Variants in LDB2 observed in about 807,000 individuals in gnomAD.
LDB2 encodes the protein LIM domain binding 2, also known as LIM domain-binding protein 2.
Under a neutral mutation model 44.3 loss-of-function variants are expected in LDB2, and 12 were observed. The ratio of observed to expected loss-of-function variants is 0.27; its 90% CI spans 0.17 to 0.44. LDB2 has a LOEUF of 0.44. Among genes scored for constraint, LDB2 ranks in the 20% least tolerant of loss-of-function variants. The probability of loss-of-function intolerance (pLI) is 1.00; values close to 1 mark genes in which losing one functional copy is unlikely to be tolerated. For missense variants in LDB2, 344 were observed against 473.5 expected (o/e 0.73, Z 2.54); for synonymous variants, 164 against 174.8 (o/e 0.94, Z 0.49).
chr4:16,512,204 C>A, intron 5 of LDB2, 100 bp from the exon 6 acceptor site: 1 of 1,124,004 alleles, frequency 8.9e-7, no homozygotes, highest in Non-Finnish European at 1.2e-6. Flanking sequence ...TTTGAGAATA[C>A]TTTTATTTTC....
intron 2 of LDB2, among the ~76,000 whole-genome samples, chr4:16,627,803 A>G (rs533272512): frequency 1.9e-4 from 29 of 152,314 alleles, no homozygotes; most frequent in Non-Finnish European, 3.5e-4. Flanking sequence ...TATCATTTCC[A>G]AAATTAGGTT....
chr4:16,608,206 C>CAA (rs71649969), intron 2 of LDB2, among the ~76,000 whole-genome samples: 1,737 of 68,180 alleles, frequency 0.025, 97 homozygotes, highest in African/African-American at 0.069. Flanking sequence ...CACACTTCTT[C>CAA]AAAAAAAAAA....
intron 2 of LDB2, among the ~76,000 whole-genome samples, chr4:16,712,498 G>C (rs1299043859): frequency 5.9e-5 from 9 of 152,112 alleles, no homozygotes; most frequent in African/African-American, 2.2e-4. Context: ...GTTGTAGTGA[G>C]CCAAGATTGC....
intron 5 of LDB2, among the ~76,000 whole-genome samples, chr4:16,568,353 G>A (rs1197336616): frequency 6.6e-6 from 1 of 152,174 alleles, no homozygotes; most frequent in African/African-American, 2.4e-5. Context: ...GGATTTATTT[G>A]AAATATTACT....
intron 1 of LDB2, among the ~76,000 whole-genome samples, chr4:16,818,395 C>T (rs564567177): frequency 1.3e-5 from 2 of 152,306 alleles, no homozygotes; most frequent in South Asian, 4.1e-4. Context: ...ACCACATTCT[C>T]AATGGGAGAA....
chr4:16,722,990 A>G (rs1374370111), intron 2 of LDB2, among the ~76,000 whole-genome samples: 1 of 152,180 alleles, frequency 6.6e-6, no homozygotes, highest in Non-Finnish European at 1.5e-5. Flanking sequence ...AATATTATAA[A>G]TTGAAAGTGT....
chr4:16,847,582 G>T (rs1462852411), intron 1 of LDB2, among the ~76,000 whole-genome samples: 5 of 149,146 alleles, frequency 3.4e-5, no homozygotes, highest in African/African-American at 1.2e-4. Flanking sequence ...CATTGGTAAA[G>T]GTTCTTTAAC....
At chr4:16,798,996 G>T (rs936989970) in intron 1 of LDB2, among the ~76,000 whole-genome samples, 1 of 152,030 alleles carries the variant, frequency 6.6e-6, no homozygotes, top group Non-Finnish European at 1.5e-5. Flanking sequence ...GACTACAGGC[G>T]CCCGCCACCA....
rs1725546407 is a variant in LDB2 at position 16,897,898 on chromosome 4, ATATATATATATATATATATAT to A, written c.132+435_132+455del. Among the ~76,000 whole-genome samples the A allele has an allele frequency of 1.8e-3, 106 of 60,478 alleles. 8 individuals carry two copies. The highest frequency in any genetic ancestry group is 3.3e-4 in the Non-Finnish European group (11 of 33,148). 39.7% of individuals were successfully genotyped at this position (60,478 alleles called of 152,430 possible). On this transcript the variant is annotated intron_variant, in intron 1 of 7. Coordinates refer to ENST00000304523, the MANE Select transcript of LDB2 (RefSeq NM_001290.5). ...CTCTAGGATTTGTAAAAAAGAAAAT[ATATATATATATATATATATAT>A]ATATATATATATATATATACACATA...
Position 16,607,626 on chromosome 4 carries a change from C to A in LDB2, c.236-11751G>T, listed in dbSNP as rs770185637. On this transcript the variant is annotated intron_variant, in intron 2 of 7. Coordinates refer to ENST00000304523, the MANE Select transcript of LDB2 (RefSeq NM_001290.5). ...GAAGTGCTTAGCACAATGCCTGACA[C>A]ATGTTAGCTCTACTTAATCACTCCC... is the stretch of plus-strand genomic sequence containing the variant. Among the ~76,000 whole-genome samples, 43 of 132,322 alleles carry A rather than the reference C, an allele frequency of 3.2e-4. 1 individual carries two copies. The highest frequency in any genetic ancestry group is 3.6e-3 in the Middle Eastern group (1 of 274). 86.8% of individuals were successfully genotyped at this position (132,322 alleles called of 152,430 possible). A position where few individuals can be genotyped will look rare whatever the true frequency, so the allele number is the denominator to read the frequency against.
At position 16,533,556 on chromosome 4, in the gene LDB2, C is replaced by T. The variant is rs142947101; in HGVS notation, c.616-21452G>A. On this transcript the variant is annotated intron_variant, in intron 5 of 7. Coordinates refer to ENST00000304523, the MANE Select transcript of LDB2 (RefSeq NM_001290.5). The surrounding 1 kb of genome is among the most constrained non-coding windows in gnomAD (Gnocchi z 4.1). ...CTGGATGGTGTGTCCCTGCATTTGA[C>T]TCTGAACATGGTTTTATTTTTGTCT... 3.3e-5 allele frequency among the ~76,000 whole-genome samples: 5 copies of T among 152,310 alleles called. No individual in the cohort carries two copies. Among genetic ancestry groups the T allele is most frequent in the African/African-American group, 1.2e-4 (5 of 41,564 alleles).
chr4:16,699,258 A>T lies in LDB2; in HGVS notation c.235+59900T>A, dbSNP rs76750042. On this transcript the variant is annotated intron_variant, in intron 2 of 7. Coordinates refer to ENST00000304523, the MANE Select transcript of LDB2 (RefSeq NM_001290.5). The stretch of plus-strand genomic sequence containing the variant: ...TTCTCATGACGTTCTGATAAAGCAA[A>T]CACATTGGAAATAAAAGATTCTGCC... Among the ~76,000 whole-genome samples, 470 of 152,346 alleles carry T rather than the reference A, an allele frequency of 3.1e-3. 2 individuals carry two copies. Among genetic ancestry groups the T allele is most frequent in the African/African-American group, 0.011 (451 of 41,576 alleles).
intron 2 of LDB2, among the ~76,000 whole-genome samples, chr4:16,731,377 T>C (rs926691565): frequency 1.3e-5 from 2 of 152,206 alleles, no homozygotes; most frequent in Non-Finnish European, 2.9e-5. Flanking sequence ...CAACCCTTGA[T>C]GTGATGGTAT....
chr4:16,863,957 G>A (rs1713709182), intron 1 of LDB2, among the ~76,000 whole-genome samples: 1 of 152,102 alleles, frequency 6.6e-6, no homozygotes, highest in Non-Finnish European at 1.5e-5. Context: ...ACCGCGCCTG[G>A]CACATTCTCT....
chr4:16,799,454 G>T (rs1474021356), intron 1 of LDB2, among the ~76,000 whole-genome samples: 2 of 152,190 alleles, frequency 1.3e-5, no homozygotes, highest in African/African-American at 4.8e-5. Flanking sequence ...ACAAATACTT[G>T]TCAGAGCCTA....
chr4:16,533,311 C>T lies in LDB2; in HGVS notation c.616-21207G>A, dbSNP rs1353807968. Among the ~76,000 whole-genome samples the T allele has an allele frequency of 6.6e-6, 1 of 152,074 alleles. No homozygotes were observed. Among genetic ancestry groups the T allele is most frequent in the Non-Finnish European group, 1.5e-5 (1 of 68,016 alleles). On this transcript the variant is annotated intron_variant, in intron 5 of 7. Coordinates refer to ENST00000304523, the MANE Select transcript of LDB2 (RefSeq NM_001290.5). The surrounding 1 kb of genome is among the most constrained non-coding windows in gnomAD (Gnocchi z 4.1). ...AACCTCTAGTCTGAGGTTAAGGATCCCACTTCTAAAGTTAAAAAACCATTC... is the reference window on the plus strand; with the variant it reads ...AACCTCTAGTCTGAGGTTAAGGATCTCACTTCTAAAGTTAAAAAACCATTC...
At chr4:16,652,078 G>A (rs375912185) in intron 2 of LDB2, among the ~76,000 whole-genome samples, 1 of 152,008 alleles carries the variant, frequency 6.6e-6, no homozygotes, top group African/African-American at 2.4e-5. Context: ...AACCTCCCAA[G>A]AAGCTGGGAC....
At chr4:16,834,254 A>C (rs1334594306) in intron 1 of LDB2, among the ~76,000 whole-genome samples, 1 of 152,240 alleles carries the variant, frequency 6.6e-6, no homozygotes, top group African/African-American at 2.4e-5. Flanking sequence ...ATAAATGAAT[A>C]AACTTTGCAA....
In LDB2 at chr4:16,844,118, G is replaced by A. The variant is rs527453206; in HGVS notation, c.132+54236C>T. On this transcript the variant is annotated intron_variant, in intron 1 of 7. Transcript: ENST00000304523. ...AAAAAAAAAAAAAAATTAGCTGGGC[G>A]TGGTGGCACACTCCTATAGTCTCAG... Among the ~76,000 whole-genome samples the A allele has an allele frequency of 1.3e-3, 189 of 150,090 alleles. 1 individual carries two copies. Among genetic ancestry groups the A allele is most frequent in the South Asian group, 4.9e-3 (23 of 4,704 alleles).
Sources: gnomAD v4.1 joint callset for allele counts (sites outside exome capture counted in the v4.1 genomes callset) on GRCh38, gnomAD v4.1.1 for gene constraint, Gnocchi (gnomAD v3.1) non-coding constraint, MANE v1.5 for transcripts, NCBI Gene and HGNC (gene_info 2026-07-23, HGNC 2026-07-21) for gene names.